Variants in SRGAP2B observed in about 807,000 individuals in gnomAD.
SRGAP2B encodes SLIT-ROBO Rho GTPase-activating protein 2B.
In SRGAP2B, 9 loss-of-function variants were observed where a neutral mutation model predicts 22.2. The ratio of observed to expected loss-of-function variants is 0.41; its 90% confidence interval spans 0.24 to 0.71. The LOEUF (loss-of-function observed/expected upper bound fraction) is 0.71, where lower values mean the gene tolerates loss of function less well. Ranked by LOEUF, SRGAP2B falls within the 30% of genes least tolerant of loss-of-function variation. The pLI is 0.35. For missense variants in SRGAP2B, 114 were observed against 235.8 expected (o/e 0.48, Z 3.38); for synonymous variants, 36 against 87.4 (o/e 0.41, Z 3.28).
chr1:144,993,421 C>A (rs2102145284), intron 3 of SRGAP2B, among the ~76,000 whole-genome samples: 1 of 150,702 alleles, frequency 6.6e-6, no homozygotes, highest in African/African-American at 2.5e-5. Flanking sequence ...CATAGATGGG[C>A]TGGGTGTGGT....
intron 4 of SRGAP2B, among the ~76,000 whole-genome samples, chr1:144,951,289 G>A (rs868968174): frequency 4.4e-4 from 63 of 141,606 alleles, no homozygotes; most frequent in African/African-American, 1.2e-3. Context: ...GATCCTTCCC[G>A]TCTCAGCCTC....
chr1:144,909,477 C>T, intron 5 of SRGAP2B, among the ~76,000 whole-genome samples: 1 of 144,082 alleles, frequency 6.9e-6, no homozygotes, highest in East Asian at 2.0e-4. Context: ...GTCCCAGCTA[C>T]TCGGGAGGCT....
chr1:144,917,654 CCT>C (rs1663955659), intron 4 of SRGAP2B, among the ~76,000 whole-genome samples: 1 of 145,186 alleles, frequency 6.9e-6, no homozygotes, highest in Non-Finnish European at 1.5e-5. Flanking sequence ...AACTATTATC[CCT>C]GTTTATTTGA....
intron 2 of SRGAP2B, among the ~76,000 whole-genome samples, chr1:145,020,867 T>C (rs1481704621): frequency 2.0e-5 from 3 of 150,522 alleles, no homozygotes; most frequent in African/African-American, 7.5e-5. Flanking sequence ...TGGCATGATC[T>C]TGGCTCACTG....
intron 4 of SRGAP2B, among the ~76,000 whole-genome samples, chr1:144,924,503 G>A (rs1553604675): frequency 6.7e-6 from 1 of 149,780 alleles, no homozygotes; most frequent in African/African-American, 2.5e-5. Context: ...CACTTTGGGA[G>A]GCCGAGGCGG....
chr1:144,927,253 C>G (rs1443019562), intron 4 of SRGAP2B, among the ~76,000 whole-genome samples: 7 of 149,426 alleles, frequency 4.7e-5, no homozygotes, highest in Non-Finnish European at 8.9e-5. Flanking sequence ...CCCGGCCAAT[C>G]TATATTCTTA....
At chr1:144,970,576 A>T (rs1668433628) in intron 3 of SRGAP2B, among the ~76,000 whole-genome samples, 1 of 126,372 alleles carries the variant, frequency 7.9e-6, no homozygotes, top group Non-Finnish European at 1.6e-5. Context: ...GCAGCGCACC[A>T]GCATGGCACA....
chr1:144,972,820 A>G (rs1185485237), intron 3 of SRGAP2B, among the ~76,000 whole-genome samples: 1 of 144,762 alleles, frequency 6.9e-6, no homozygotes, highest in Non-Finnish European at 1.5e-5. Flanking sequence ...TAACAGAAAA[A>G]AGTAGCCTGG....
At chr1:145,085,029 G>C (rs1336697030) in intron 2 of SRGAP2B, among the ~76,000 whole-genome samples, 6 of 150,634 alleles carry the variant, frequency 4.0e-5, no homozygotes, top group Admixed American at 2.6e-4. Flanking sequence ...TGCAACCTCT[G>C]CCTCTTGGAT....
chr1:144,902,861 G>C (rs1161699944), intron 7 of SRGAP2B, among the ~76,000 whole-genome samples: 1 of 97,042 alleles, frequency 1.0e-5, no homozygotes, highest in African/African-American at 4.3e-5. Flanking sequence ...TACTAAGGCA[G>C]CCTCTTTTTC....
At chr1:144,955,151 C>T (rs1204915135) in intron 4 of SRGAP2B, among the ~76,000 whole-genome samples, 6 of 150,574 alleles carry the variant, frequency 4.0e-5, no homozygotes, top group Admixed American at 6.6e-5. Flanking sequence ...GAAAGGAATG[C>T]CAATTCAAAT....
intron 2 of SRGAP2B, among the ~76,000 whole-genome samples, chr1:145,019,718 G>A (rs1553623739): frequency 7.9e-6 from 1 of 126,432 alleles, no homozygotes; most frequent in Admixed American, 8.3e-5. Flanking sequence ...GATAAAGATG[G>A]AAAGTTGTAA....
intron 4 of SRGAP2B, among the ~76,000 whole-genome samples, chr1:144,920,909 T>C (rs1219764767): frequency 6.7e-6 from 1 of 150,268 alleles, no homozygotes; most frequent in Non-Finnish European, 1.5e-5. Context: ...GCTGATCAGA[T>C]GTTTCAAAGC....
At chr1:144,964,789 C>A (rs1342809946) in intron 3 of SRGAP2B, among the ~76,000 whole-genome samples, 1 of 150,724 alleles carries the variant, frequency 6.6e-6, no homozygotes, top group Admixed American at 6.6e-5. Context: ...TATGGTGACA[C>A]GTGCCTGTAC....
chr1:144,979,077 C>CT (rs1473672716), intron 3 of SRGAP2B, among the ~76,000 whole-genome samples: 3 of 151,912 alleles, frequency 2.0e-5, no homozygotes, highest in Non-Finnish European at 1.5e-5. Context: ...GAGTCTCGCT[C>CT]TGTCACCCAG....
At chr1:145,031,661 C>A (rs1401395726) in intron 2 of SRGAP2B, among the ~76,000 whole-genome samples, 1 of 142,048 alleles carries the variant, frequency 7.0e-6, no homozygotes, top group Non-Finnish European at 1.5e-5. Flanking sequence ...TCCTGGCTAA[C>A]ACGGTGAAAC....
chr1:145,045,573 CAG>C (rs1649717117), intron 2 of SRGAP2B, among the ~76,000 whole-genome samples: 1 of 71,784 alleles, frequency 1.4e-5, no homozygotes, highest in Admixed American at 1.6e-4. Flanking sequence ...GAAGTATGCA[CAG>C]GTTAAGGGAA....
chr1:144,991,074 C>T lies in SRGAP2B; in HGVS notation c.260+3934G>A, dbSNP rs371237246. 3.3e-5 allele frequency among the ~76,000 whole-genome samples: 5 copies of T among 150,972 alleles called. No homozygotes were observed. The East Asian group carries it at 5.9e-4, about 18-fold the overall frequency. On this transcript the variant is annotated intron_variant, in intron 3 of 9. Transcript: ENST00000612199. ...ACTGGCAGGCAGCTCCACCTGCAGC[C>T]CCGGTGCGGGATCCACTAGATGAAG...
chr1:144,919,940 T>A (rs1553348300), intron 4 of SRGAP2B: 25 of 149,696 alleles, frequency 1.7e-4, no homozygotes, highest in Non-Finnish European at 2.5e-4. Flanking sequence ...TCTCACTGAC[T>A]TCAAGAATGA....
Sources: gnomAD v4.1 joint callset for allele counts (sites outside exome capture counted in the v4.1 genomes callset) on GRCh38, gnomAD v4.1.1 for gene constraint, MANE v1.5 for transcripts, NCBI Gene and HGNC (gene_info 2026-07-23, HGNC 2026-07-21) for gene names.